Variants in SLC8A1 observed in about 807,000 individuals in gnomAD.
SLC8A1 encodes sodium/calcium exchanger 1.
SLC8A1 carries 18 observed loss-of-function variants against 68.3 expected under a neutral mutation model. That is an observed-to-expected ratio of 0.26 (90% confidence interval 0.18 to 0.39). SLC8A1 has a LOEUF of 0.39. SLC8A1 is among the 10% of genes least tolerant of loss of function. The probability of loss-of-function intolerance (pLI) is 1.00; values close to 1 mark genes in which losing one functional copy is unlikely to be tolerated. For missense variants in SLC8A1, 985 were observed against 1,156.7 expected (o/e 0.85, Z 2.15); for synonymous variants, 475 against 415.5 (o/e 1.14, Z -1.74).
In SLC8A1 at chr2:40,405,108, A is replaced by T. The variant is rs530909861; in HGVS notation, c.1808+23365T>A. ...AGGATTGGAGACAATGATGTAAATG[A>T]AGCAGTCCTCACAAGGCAGAAGGGG... On this transcript the variant is annotated intron_variant, in intron 2 of 7. Coordinates refer to ENST00000406785, the Ensembl canonical transcript of SLC8A1. Among the ~76,000 whole-genome samples, 10 of 152,306 alleles carry T rather than the reference A, an allele frequency of 6.6e-5. No homozygotes were observed. In the East Asian group the frequency reaches 1.9e-3, roughly 29 times the overall value.
At chr2:40,249,298 G>A (rs2062367849) in intron 2 of SLC8A1, among the ~76,000 whole-genome samples, 1 of 151,990 alleles carries the variant, frequency 6.6e-6, no homozygotes, top group South Asian at 2.1e-4. Flanking sequence ...CGTTTTTGAG[G>A]TATATACTTT....
chr2:40,229,033 T>A (rs2059328283), intron 2 of SLC8A1, among the ~76,000 whole-genome samples: 1 of 152,182 alleles, frequency 6.6e-6, no homozygotes, highest in Admixed American at 6.6e-5. Context: ...TTACATGCAG[T>A]GCCAAAATGT....
intron 2 of SLC8A1, among the ~76,000 whole-genome samples, chr2:40,306,063 T>C (rs966537382): frequency 2.6e-5 from 4 of 152,178 alleles, no homozygotes; most frequent in Admixed American, 2.6e-4. Flanking sequence ...CAAGGAACTG[T>C]CTATTCTGGG....
In SLC8A1 at chr2:40,355,461, C is replaced by G. The variant is rs193105135; in HGVS notation, c.1808+73012G>C. Among the ~76,000 whole-genome samples, 48 of 152,142 alleles carry G rather than the reference C, an allele frequency of 3.2e-4. 1 individual carries two copies. In the Middle Eastern group the frequency reaches 0.014, roughly 43 times the overall value. ...GCTTTCTTGGTCCATTTCAAGGGCA[C>G]TGTTGGAGGGGTGGGAGAGACAGCA... is the stretch of plus-strand genomic sequence containing the variant. On this transcript the variant is annotated intron_variant, in intron 2 of 7. Coordinates refer to ENST00000406785, the Ensembl canonical transcript of SLC8A1.
intron 7 of SLC8A1, among the ~76,000 whole-genome samples, chr2:40,132,718 CAG>C (rs1451610790): frequency 2.0e-5 from 3 of 151,286 alleles, no homozygotes; most frequent in Non-Finnish European, 4.4e-5. Flanking sequence ...GCTGAACAAA[CAG>C]AAAAAAATAT....
At chr2:40,223,661 C>G (rs867170767) in intron 2 of SLC8A1, 3 of 151,846 alleles carry the variant, frequency 2.0e-5, no homozygotes, top group Non-Finnish European at 4.4e-5. Context: ...TAAAAAAGAC[C>G]AATTTGCAAC....
At chr2:40,098,130 T>C (rs1267410907) in exon 8 of SLC8A1, 14 of 152,078 alleles carry the variant, frequency 9.2e-5, no homozygotes, top group Admixed American at 9.2e-4. Context: ...GTCTTCATAC[T>C]TATAGTCCTA....
intron 2 of SLC8A1, chr2:40,223,647 T>A (rs1181068487): frequency 6.6e-6 from 1 of 152,048 alleles, no homozygotes. Flanking sequence ...AAATCACTAG[T>A]GGGTAAAAAA....
chr2:40,268,344 C>T (rs2065618904), intron 2 of SLC8A1, among the ~76,000 whole-genome samples: 1 of 152,122 alleles, frequency 6.6e-6, no homozygotes, highest in African/African-American at 2.4e-5. Context: ...CAACAATTCA[C>T]TAAGTGGGTC....
At chr2:40,126,704 A>G (rs2038179180) in intron 7 of SLC8A1, among the ~76,000 whole-genome samples, 1 of 152,164 alleles carries the variant, frequency 6.6e-6, no homozygotes, top group Non-Finnish European at 1.5e-5. Flanking sequence ...GTTTCCTATT[A>G]AAATACCCCC....
chr2:40,104,133 A>G (rs1205739041), exon 8 of SLC8A1: 3 of 152,192 alleles, frequency 2.0e-5, no homozygotes, highest in Non-Finnish European at 4.4e-5. Context: ...TGATGTTAAA[A>G]TGAAGAGAAC....
At chr2:40,157,720 C>T (rs771968419) in intron 6 of SLC8A1, among the ~76,000 whole-genome samples, 5 of 152,290 alleles carry the variant, frequency 3.3e-5, no homozygotes, top group African/African-American at 4.8e-5. Context: ...AACAGCACCT[C>T]GTGGTACTGG....
At chr2:40,414,735 C>T (rs1007416454) in intron 2 of SLC8A1, among the ~76,000 whole-genome samples, 9 of 152,124 alleles carry the variant, frequency 5.9e-5, no homozygotes, top group Admixed American at 6.5e-5. Context: ...ATTTGCCATA[C>T]ATTTATGATA....
intron 4 of SLC8A1, among the ~76,000 whole-genome samples, chr2:40,171,761 A>G (rs567567791): frequency 6.6e-6 from 1 of 152,360 alleles, no homozygotes; most frequent in South Asian, 2.1e-4. Context: ...AGAAATATTT[A>G]CAAACTCTAA....
intron 2 of SLC8A1, among the ~76,000 whole-genome samples, chr2:40,370,927 C>G (rs1408885623): frequency 6.6e-6 from 1 of 152,048 alleles, no homozygotes; most frequent in Non-Finnish European, 1.5e-5. Context: ...TTTTATTTAG[C>G]ATGACTTAGT....
At chr2:40,295,028 A>T (rs1471815845) in intron 2 of SLC8A1, among the ~76,000 whole-genome samples, 2 of 152,224 alleles carry the variant, frequency 1.3e-5, no homozygotes, top group Non-Finnish European at 2.9e-5. Context: ...AATACATGAG[A>T]AAAATGATAA....
chr2:40,389,355 T>G (rs1684575474), intron 2 of SLC8A1, among the ~76,000 whole-genome samples: 1 of 152,114 alleles, frequency 6.6e-6, no homozygotes, highest in Non-Finnish European at 1.5e-5. Flanking sequence ...CTTAAACCCT[T>G]TGGTGCCAGC....
In SLC8A1 at chr2:40,448,095, G is replaced by C. The variant is rs989268141; in HGVS notation, c.-25+3809C>G. Among the ~76,000 whole-genome samples, 5 of 152,214 alleles carry C rather than the reference G, an allele frequency of 3.3e-5. 1 individual carries two copies. The highest frequency in any genetic ancestry group is 1.2e-4 in the African/African-American group (5 of 41,452). ...TCACTTGAGGCAGCAAGGACTACGAGCAACTGTCTTATAAGTCAATGCACT... is the reference window on the plus strand; with the variant it reads ...TCACTTGAGGCAGCAAGGACTACGACCAACTGTCTTATAAGTCAATGCACT... On this transcript the variant is annotated intron_variant, in intron 1 of 7. Coordinates refer to ENST00000406785, the Ensembl canonical transcript of SLC8A1.
chr2:40,404,230 C>G (rs1689640624), intron 2 of SLC8A1, among the ~76,000 whole-genome samples: 2 of 152,160 alleles, frequency 1.3e-5, no homozygotes, highest in Admixed American at 1.3e-4. Flanking sequence ...ACTTGTCCAA[C>G]TTTAATGGAA....
Sources: allele counts gnomAD v4.1 joint callset (sites outside exome capture counted in the v4.1 genomes callset), GRCh38; gene constraint gnomAD v4.1.1; transcripts MANE v1.5; gene names NCBI Gene and HGNC (gene_info 2026-07-23, HGNC 2026-07-21).